The following BLTP3A variants were observed in gnomAD, a reference collection of about 807,000 sequenced individuals.
BLTP3A encodes the protein bridge-like lipid transfer protein family member 3A.
chr6:34,852,819 G>A, the BLTP3A span, among the ~76,000 whole-genome samples: 5 of 152,200 alleles, frequency 3.3e-5, no homozygotes, highest in African/African-American at 1.2e-4. Flanking sequence ...GATGGGGCTA[G>A]CCAGAACTCA....
the BLTP3A span, among the ~76,000 whole-genome samples, chr6:34,854,222 A>T: frequency 4.1e-4 from 63 of 152,244 alleles, no homozygotes; most frequent in Admixed American, 1.7e-3. Context: ...ACTCCGTCTC[A>T]AAAAAAGAAA....
the BLTP3A span, among the ~76,000 whole-genome samples, chr6:34,868,880 G>C: frequency 6.6e-6 from 1 of 152,076 alleles, no homozygotes; most frequent in South Asian, 2.1e-4. Context: ...AATAGAGCAA[G>C]ACCCTGTCTC....
chr6:34,861,543 A>G, the BLTP3A span, among the ~76,000 whole-genome samples: 1 of 152,308 alleles, frequency 6.6e-6, no homozygotes, highest in East Asian at 1.9e-4. Context: ...ACAGATAACC[A>G]CTGTTTACAT....
chr6:34,859,536 C>T, the BLTP3A span: 1 of 1,614,082 alleles, frequency 6.2e-7, no homozygotes, highest in Non-Finnish European at 8.5e-7. Context: ...GAATGACCTC[C>T]ACCATGCACA....
At chr6:34,828,944 T>G in the BLTP3A span, among the ~76,000 whole-genome samples, 1 of 142,798 alleles carries the variant, frequency 7.0e-6, no homozygotes. Flanking sequence ...GGAGAATTGC[T>G]TGAACCTGTG....
the BLTP3A span, among the ~76,000 whole-genome samples, chr6:34,866,640 G>A: frequency 1.3e-5 from 2 of 152,144 alleles, no homozygotes; most frequent in Non-Finnish European, 2.9e-5. Flanking sequence ...GTGACATTAA[G>A]TACATTCTGA....
At chr6:34,857,013 A>G in the BLTP3A span, 1 of 1,516,612 alleles carries the variant, frequency 6.6e-7, no homozygotes, top group Admixed American at 2.1e-5. Flanking sequence ...AAAGTTTTGG[A>G]ATTTGGGGAC....
chr6:34,802,251 G>T, the BLTP3A span, among the ~76,000 whole-genome samples: 9 of 151,934 alleles, frequency 5.9e-5, no homozygotes, highest in African/African-American at 2.2e-4. Context: ...TGTTGCCACG[G>T]CTGGAGTGCA....
the BLTP3A span, among the ~76,000 whole-genome samples, chr6:34,815,340 T>A: frequency 6.6e-6 from 1 of 151,572 alleles, no homozygotes; most frequent in Admixed American, 6.6e-5. Flanking sequence ...ACCTCTGCCT[T>A]CCGGGTTCAA....
chr6:34,817,287 C>A, the BLTP3A span, among the ~76,000 whole-genome samples: 1 of 152,184 alleles, frequency 6.6e-6, no homozygotes, highest in East Asian at 1.9e-4. Flanking sequence ...CCCTCTGTGG[C>A]AAGTTGTTTT....
chr6:34,826,379 G>A, the BLTP3A span, among the ~76,000 whole-genome samples: 9 of 132,192 alleles, frequency 6.8e-5, no homozygotes, highest in Admixed American at 6.3e-4. Context: ...TTTTTTTTGA[G>A]ACAAAGTTTT....
the BLTP3A span, chr6:34,821,691 G>C: frequency 1.2e-6 from 2 of 1,613,982 alleles, no homozygotes; most frequent in Admixed American, 3.3e-5. Context: ...ATCAACCTGA[G>C]CACCCTGAAA....
At chr6:34,835,086 C>A in the BLTP3A span, among the ~76,000 whole-genome samples, 2 of 152,212 alleles carry the variant, frequency 1.3e-5, no homozygotes, top group African/African-American at 4.8e-5. Flanking sequence ...TGTAGGGACA[C>A]TGACATAGGC....
the BLTP3A span, chr6:34,871,221 A>G: frequency 1.8e-5 from 24 of 1,327,840 alleles, no homozygotes; most frequent in Non-Finnish European, 2.3e-5. Context: ...TTCCCTTTTC[A>G]CTGTAAAATA....
At chr6:34,857,619 A>G in the BLTP3A span, 3 of 1,451,500 alleles carry the variant, frequency 2.1e-6, no homozygotes, top group East Asian at 6.8e-5. Flanking sequence ...TCTGCCCTGT[A>G]TAAATGTGTA....
At chr6:34,859,045 GGCTCAGATA>G in the BLTP3A span, 1 of 1,614,202 alleles carries the variant, frequency 6.2e-7, no homozygotes, top group Non-Finnish European at 8.5e-7. Flanking sequence ...TGACTCTGCA[GGCTCAGATA>G]GCACTAGCCT....
At chr6:34,823,764 G>A in the BLTP3A span, among the ~76,000 whole-genome samples, 1 of 148,324 alleles carries the variant, frequency 6.7e-6, no homozygotes, top group African/African-American at 2.5e-5. Flanking sequence ...TGAACTCCTG[G>A]CTTTAAGCGA....
chr6:34,857,581 G>A, the BLTP3A span: 3 of 1,499,742 alleles, frequency 2.0e-6, no homozygotes, highest in South Asian at 1.3e-5. Context: ...CAGTGTTTGA[G>A]TTAATTTAGC....
At chr6:34,858,492 A>G in the BLTP3A span, 1 of 1,614,118 alleles carries the variant, frequency 6.2e-7, no homozygotes, top group Non-Finnish European at 8.5e-7. Context: ...AAAACTTCAA[A>G]GGCCATACCT....
Sources: gnomAD v4.1 joint callset for allele counts (sites outside exome capture counted in the v4.1 genomes callset) on GRCh38, gnomAD v4.1.1 for gene constraint, MANE v1.5 for transcripts, NCBI Gene and HGNC (gene_info 2026-07-23, HGNC 2026-07-21) for gene names.